Variants in FNBP4 observed in about 807,000 individuals in gnomAD.
The protein encoded by FNBP4 is formin binding protein 4, also known as formin-binding protein 4.
In FNBP4, 34 loss-of-function variants were observed where a neutral mutation model predicts 119.3. The observed-to-expected ratio is 0.28, with a 90% confidence interval of 0.22 to 0.38. The LOEUF is 0.38. FNBP4 is among the 10% of genes least tolerant of loss of function. The pLI, the probability that FNBP4 is intolerant of heterozygous loss-of-function variation, is 1.00. For missense variants in FNBP4, 1,112 were observed against 1,228.9 expected (o/e 0.90, Z 1.42); for synonymous variants, 462 against 430.6 (o/e 1.07, Z -0.90).
intron 2 of FNBP4, among the ~76,000 whole-genome samples, chr11:47,763,359 T>C (rs1463546068): frequency 7.2e-6 from 1 of 139,824 alleles, no homozygotes; most frequent in African/African-American, 2.7e-5. Context: ...GTAGGAGAAA[T>C]CACTTCAACC....
At chr11:47,719,574 G>A (rs1017984545) in intron 16 of FNBP4, among the ~76,000 whole-genome samples, 1 of 85,262 alleles carries the variant, frequency 1.2e-5, no homozygotes, top group East Asian at 3.9e-4. Context: ...TGTTATGTGT[G>A]TATGTGTGTG....
intron 6 of FNBP4, among the ~76,000 whole-genome samples, chr11:47,748,776 A>G (rs1053074904): frequency 1.3e-5 from 2 of 151,896 alleles, no homozygotes; most frequent in African/African-American, 4.8e-5. Context: ...CAGACCCCCA[A>G]GTAGCTGGGA....
intron 2 of FNBP4, among the ~76,000 whole-genome samples, chr11:47,760,442 T>G (rs560381503): frequency 1.5e-4 from 23 of 151,324 alleles, no homozygotes; most frequent in Non-Finnish European, 2.5e-4. Flanking sequence ...TTTTGTTTTT[T>G]TTTTTTTTGG....
At chr11:47,746,499 A>C (rs1209919466) in intron 6 of FNBP4, 105 bp from the exon 7 acceptor site, 5 of 1,068,684 alleles carry the variant, frequency 4.7e-6, no homozygotes, top group African/African-American at 3.2e-5. Context: ...TCAGTAGCTG[A>C]ATACTCAAGG....
chr11:47,724,833 T>C (rs1221200426), intron 12 of FNBP4, 55 bp from the exon 13 acceptor site: 2 of 1,514,332 alleles, frequency 1.3e-6, no homozygotes, highest in Middle Eastern at 1.9e-4. Flanking sequence ...CCCTGGCTTA[T>C]ATTCATAGAA....
intron 12 of FNBP4, 117 bp from the exon 13 acceptor site, chr11:47,724,895 C>A (rs892521060): frequency 2.5e-5 from 35 of 1,378,510 alleles, no homozygotes; most frequent in Non-Finnish European, 3.0e-5. Context: ...GCACAGTGTA[C>A]AAAACAATAC....
chr11:47,762,138 G>GTTTTTT (rs560691118), intron 2 of FNBP4, among the ~76,000 whole-genome samples: 1 of 138,140 alleles, frequency 7.2e-6, no homozygotes, highest in Non-Finnish European at 1.6e-5. Context: ...GCGTCTGGCT[G>GTTTTTT]TTTTTTTTTT....
At chr11:47,748,351 A>G (rs1051501019) in intron 6 of FNBP4, among the ~76,000 whole-genome samples, 2 of 151,930 alleles carry the variant, frequency 1.3e-5, no homozygotes, top group African/African-American at 4.8e-5. Flanking sequence ...CCATTGGGGT[A>G]ACACTTGTCC....
intron 3 of FNBP4, among the ~76,000 whole-genome samples, chr11:47,753,946 T>A (rs2097609999): frequency 6.6e-6 from 1 of 152,196 alleles, no homozygotes; most frequent in Admixed American, 6.6e-5. Flanking sequence ...GGCTCACGCT[T>A]GTAATCCCAA....
At chr11:47,729,775 A>AT (rs1333946767) in intron 12 of FNBP4, 4 of 985,454 alleles carry the variant, frequency 4.1e-6, no homozygotes, top group Non-Finnish European at 4.8e-6. Flanking sequence ...CACTGAGCTG[A>AT]TTAAGAGCTC....
chr11:47,765,229 G>C (rs1224563022), intron 2 of FNBP4, 41 bp downstream of exon 2: 1 of 1,351,444 alleles, frequency 7.4e-7, no homozygotes, highest in South Asian at 1.2e-5. Context: ...TTTAATGAAA[G>C]ACGTGGGAGA....
Position 47,767,097 on chromosome 11 carries a change from G to A in FNBP4, c.192C>T (p.Ala64=). The A allele has an allele frequency of 2.6e-6, 4 of 1,530,436 alleles. No homozygotes were observed. The highest frequency in any genetic ancestry group is 3.5e-6 in the Non-Finnish European group (4 of 1,144,382). 94.8% of individuals were successfully genotyped at this position (1,530,436 alleles called of 1,614,324 possible). ...CTGAAGGCGAGTCGTCCGAGGCCGC[G>A]GCGGCAGTCACCGCGGTGGTGGTGG... ...ATTTTTAVTA[A]AASDDSPSED... The change falls in exon 1 of 17, where the codon GCC becomes GCT. Residue 64 remains alanine, a synonymous_variant. Coordinates refer to ENST00000263773, the MANE Select transcript of FNBP4 (RefSeq NM_015308.5).
At position 47,724,448 on chromosome 11, in the gene FNBP4, T is replaced by C; in HGVS notation, c.2319+20A>G. ...TTCCAGTCCTCAAAATCACTCAGAA[T>C]GCCAAAGGGAATTACTTACCTGGCT... is the stretch of plus-strand genomic sequence containing the variant. On this transcript the variant is annotated intron_variant, in intron 13 of 16. Coordinates refer to ENST00000263773, the MANE Select transcript of FNBP4 (RefSeq NM_015308.5). 6.2e-7 allele frequency: 1 copy of C among 1,614,106 alleles called. No homozygotes were observed. Among genetic ancestry groups the C allele is most frequent in the Non-Finnish European group, 8.5e-7 (1 of 1,179,970 alleles).
chr11:47,762,765 C>A (rs2097638425), intron 2 of FNBP4, among the ~76,000 whole-genome samples: 1 of 151,782 alleles, frequency 6.6e-6, no homozygotes, highest in Non-Finnish European at 1.5e-5. Flanking sequence ...CAAAAATTAG[C>A]TGGGCATGGT....
At chr11:47,755,478 TA>T (rs1177617355) in intron 2 of FNBP4, among the ~76,000 whole-genome samples, 1 of 150,802 alleles carries the variant, frequency 6.6e-6, no homozygotes, top group African/African-American at 2.4e-5. Context: ...AAATAAAAAA[TA>T]AAAAAACATG....
chr11:47,747,306 G>T (rs1350851577), intron 6 of FNBP4, among the ~76,000 whole-genome samples: 1 of 152,172 alleles, frequency 6.6e-6, no homozygotes, highest in Non-Finnish European at 1.5e-5. Context: ...CCGGGTTCAA[G>T]CAATTTCCCT....
chr11:47,736,927 C>T (rs192543092), intron 8 of FNBP4, among the ~76,000 whole-genome samples, 187 bp from the exon 9 acceptor site: 122 of 152,238 alleles, frequency 8.0e-4, no homozygotes, highest in Non-Finnish European at 1.3e-3. Context: ...AATTCAGGGC[C>T]GGGCACAGTG....
intron 9 of FNBP4, among the ~76,000 whole-genome samples, 183 bp from the exon 10 acceptor site, chr11:47,734,312 TAAC>T (rs2097571074): frequency 6.6e-6 from 1 of 152,212 alleles, no homozygotes; most frequent in South Asian, 2.1e-4. Flanking sequence ...ATAATACACA[TAAC>T]AAAGTGACAA....
At chr11:47,746,005 T>A in intron 7 of FNBP4, 51 bp downstream of exon 7, 1 of 1,415,396 alleles carries the variant, frequency 7.1e-7, no homozygotes, top group Non-Finnish European at 9.6e-7. Context: ...ATGATCCCTG[T>A]AGAGTAGTAC....
Sources: gnomAD v4.1 joint callset for allele counts (sites outside exome capture counted in the v4.1 genomes callset) on GRCh38, gnomAD v4.1.1 for gene constraint, MANE v1.5 for transcripts, NCBI Gene and HGNC (gene_info 2026-07-23, HGNC 2026-07-21) for gene names.